FAM167A: variants seen among roughly 807,000 people sequenced by gnomAD.
FAM167A encodes family with sequence similarity 167 member A.
Under a neutral mutation model 14.9 loss-of-function variants are expected in FAM167A, and 23 were observed. The ratio of observed to expected loss-of-function variants is 1.55; its 90% CI spans 1.11 to 2.19. FAM167A has a LOEUF of 2.19. FAM167A is among the 30% of genes most tolerant of loss of function. FAM167A has a pLI of 0.00. For synonymous variants in FAM167A, 174 were observed against 117.7 expected, an observed-to-expected ratio of 1.48 and a Z score of -3.10; for missense variants, 401 against 281.5, an observed-to-expected ratio of 1.42 and a Z score of -3.04.
chr8:11,421,636 A>G lies in FAM167A; in HGVS notation c.*2737T>C, dbSNP rs1259850191. The stretch of plus-strand genomic sequence containing the variant: ...CAGGGTGTGGGTCTTGAACTCGGTC[A>G]GGCATCGTCAAGCCTGCCCAGGCCC... On this transcript the variant is annotated 3_prime_UTR_variant, in exon 3 of 3. Transcript: ENST00000284486. 2 of 398,586 alleles carry G rather than the reference A, an allele frequency of 5.0e-6. No individual in the cohort carries two copies. The highest frequency in any genetic ancestry group is 8.8e-6 in the Non-Finnish European group (2 of 226,036). The allele number at this position is 398,586 out of a possible 1,614,324, so 24.7% of individuals were successfully genotyped here.
upstream of FAM167A, among the ~76,000 whole-genome samples, chr8:11,467,943 A>G (rs889346010): frequency 6.6e-6 from 1 of 152,188 alleles, no homozygotes; most frequent in African/African-American, 2.4e-5. Flanking sequence ...TCTTTTGGAG[A>G]GTCACAGCCT....
At chr8:11,453,367 C>T (rs1404833696) in intron 1 of FAM167A, among the ~76,000 whole-genome samples, 1 of 152,222 alleles carries the variant, frequency 6.6e-6, no homozygotes, top group East Asian at 1.9e-4. Flanking sequence ...CACTGTCAAG[C>T]TGCTAATATG....
At chr8:11,438,094 C>G (rs534166948) in intron 2 of FAM167A, 10 of 456,350 alleles carry the variant, frequency 2.2e-5, no homozygotes, top group South Asian at 1.1e-4. Flanking sequence ...TCACCCCACC[C>G]CAGCACGGAA....
At chr8:11,434,502 G>C (rs771229359) in intron 2 of FAM167A, among the ~76,000 whole-genome samples, 1 of 152,160 alleles carries the variant, frequency 6.6e-6, no homozygotes, top group African/African-American at 2.4e-5. Flanking sequence ...TTTGCTGGGA[G>C]GGAGAGACGA....
intron 1 of FAM167A, among the ~76,000 whole-genome samples, chr8:11,461,303 G>A (rs558440666): frequency 1.7e-4 from 26 of 152,338 alleles, no homozygotes; most frequent in African/African-American, 6.0e-4. Flanking sequence ...GGGGAAAGTA[G>A]CCATGGGAAA....
At chr8:11,452,503 A>C (rs13439415) in intron 1 of FAM167A, among the ~76,000 whole-genome samples, 1 of 151,980 alleles carries the variant, frequency 6.6e-6, no homozygotes, top group Non-Finnish European at 1.5e-5. Context: ...CAGAGGCAGA[A>C]AGAGCATGAA....
Position 11,455,139 on chromosome 8 carries a change from CGT to C in FAM167A, c.-397-10333_-397-10332del, listed in dbSNP as rs34859056. On this transcript the variant is annotated intron_variant, in intron 1 of 2. Transcript: ENST00000284486. ...TGGGTTGCTGGGATATGTGTGTGTGCGTGTGTGTGTGTGTGACTGTGGTGGGG... is the reference window on the plus strand; with the variant it reads ...TGGGTTGCTGGGATATGTGTGTGTGCGTGTGTGTGTGTGACTGTGGTGGGG... Among the ~76,000 whole-genome samples the C allele has an allele frequency of 4.9e-5, 7 of 143,460 alleles. No homozygotes were observed. In the South Asian group the frequency reaches 6.6e-4, roughly 14 times the overall value. The allele number at this position is 143,460 out of a possible 152,430, so 94.1% of individuals were successfully genotyped here. A position where few individuals can be genotyped will look rare whatever the true frequency, so the allele number is the denominator to read the frequency against.
chr8:11,458,333 G>A (rs976110063), intron 1 of FAM167A, among the ~76,000 whole-genome samples: 6 of 152,192 alleles, frequency 3.9e-5, no homozygotes, highest in Non-Finnish European at 7.3e-5. Flanking sequence ...TTGGATCTGA[G>A]CACTTTCCTG....
chr8:11,447,680 T>C (rs920608568), intron 1 of FAM167A, among the ~76,000 whole-genome samples: 3 of 152,222 alleles, frequency 2.0e-5, no homozygotes, highest in Admixed American at 6.5e-5. Context: ...CAGCTGGACC[T>C]GGGCACAGTC....
chr8:11,430,207 G>GT (rs1554523686), intron 2 of FAM167A, among the ~76,000 whole-genome samples: 1 of 152,212 alleles, frequency 6.6e-6, no homozygotes, highest in Non-Finnish European at 1.5e-5. Context: ...GGTGCAGCCT[G>GT]TAATCCCAGC....
chr8:11,467,613 C>T (rs1807824764), upstream of FAM167A: 2 of 152,358 alleles, frequency 1.3e-5, no homozygotes, highest in Admixed American at 6.5e-5. Flanking sequence ...TGGGCGTGCG[C>T]GCAGGCGCCG....
At position 11,444,381 on chromosome 8, in the gene FAM167A, C is replaced by G; in HGVS notation, c.31G>C (p.Val11Leu). Reference protein sequence around the residue: MSVPQIHVEEVGAEEGAGAAA... With the variant: MSVPQIHVEELGAEEGAGAAA... Reference sequence around the variant, plus strand: ...GCTCCCGCCCCCTCTTCTGCACCCACTTCTTCCACGTGGATCTGGGGCACA... The same window carrying G: ...GCTCCCGCCCCCTCTTCTGCACCCAGTTCTTCCACGTGGATCTGGGGCACA... Residue 11 changes from valine (V) to leucine (L), a missense_variant, in exon 2 of 3, where the codon GTG becomes CTG. By Grantham distance (32) the Val-to-Leu change is conservative. Coordinates refer to ENST00000284486, the MANE Select transcript of FAM167A (RefSeq NM_053279.3). 1 of 1,567,144 alleles carries G rather than the reference C, an allele frequency of 6.4e-7. No individual in the cohort carries two copies. Among genetic ancestry groups the G allele is most frequent in the Non-Finnish European group, 8.6e-7 (1 of 1,156,224 alleles).
At chr8:11,475,739 T>C (rs980204516) in intron 1 of FAM167A, among the ~76,000 whole-genome samples, 8 of 152,192 alleles carry the variant, frequency 5.3e-5, no homozygotes, top group Non-Finnish European at 1.2e-4. Flanking sequence ...ACAGATTCTC[T>C]AATCTTTCCC....
At chr8:11,424,779 A>T in intron 2 of FAM167A, 143 bp from the exon 3 acceptor site, 1 of 1,267,412 alleles carries the variant, frequency 7.9e-7, no homozygotes, top group South Asian at 1.5e-5. Flanking sequence ...CTGCTCAGGG[A>T]GGTGAAAAGA....
At chr8:11,472,466 G>T (rs1322718218), upstream of FAM167A, among the ~76,000 whole-genome samples, 19 of 128,830 alleles carry the variant, frequency 1.5e-4, no homozygotes, top group African/African-American at 2.1e-4. Context: ...TTGAGACAAG[G>T]TCTCTCTCTG....
intron 1 of FAM167A, among the ~76,000 whole-genome samples, chr8:11,456,499 G>T (rs1337128319): frequency 1.4e-5 from 2 of 146,356 alleles, no homozygotes; most frequent in Non-Finnish European, 3.0e-5. Context: ...CCTGATGGGT[G>T]TGTGAGTGTG....
chr8:11,444,706 G>C lies in FAM167A; in HGVS notation c.-295C>G. ...ACAGCGTCGCAGGAATCTCGGGGCA[G>C]CCTGTGCCAAGGTCTATCTGTCCTG... On this transcript the variant is annotated 5_prime_UTR_variant, in exon 2 of 3. Transcript: ENST00000284486. 1.7e-6 allele frequency: 2 copies of C among 1,195,004 alleles called. No individual in the cohort carries two copies. The highest frequency in any genetic ancestry group is 2.1e-6 in the Non-Finnish European group (2 of 960,912). The allele number at this position is 1,195,004 out of a possible 1,614,324, so 74.0% of individuals were successfully genotyped here.
At chr8:11,439,119 A>T (rs1806258712) in intron 2 of FAM167A, among the ~76,000 whole-genome samples, 1 of 152,250 alleles carries the variant, frequency 6.6e-6, no homozygotes, top group Non-Finnish European at 1.5e-5. Flanking sequence ...TGGCTTAGCC[A>T]CATCCTTGCA....
chr8:11,455,404 T>TG (rs1189116806), intron 1 of FAM167A, among the ~76,000 whole-genome samples: 1 of 79,584 alleles, frequency 1.3e-5, no homozygotes, highest in African/African-American at 5.3e-5. Context: ...ATTGTGAGTG[T>TG]GGGGGGTGGC....
Sources: gnomAD v4.1 joint callset for allele counts (sites outside exome capture counted in the v4.1 genomes callset) on GRCh38, gnomAD v4.1.1 for gene constraint, MANE v1.5 for transcripts, NCBI Gene and HGNC (gene_info 2026-07-23, HGNC 2026-07-21) for gene names.